Variants in SLC24A2 observed in about 807,000 individuals in gnomAD.
SLC24A2 encodes the protein sodium/potassium/calcium exchanger 2.
Under a neutral mutation model 62.0 loss-of-function variants are expected in SLC24A2, and 36 were observed. The observed-to-expected ratio is 0.58, with a 90% CI of 0.44 to 0.77. The LOEUF is 0.77. Ranked by LOEUF, SLC24A2 falls within the 30% of genes least tolerant of loss-of-function variation. The pLI, the probability that SLC24A2 is intolerant of heterozygous loss-of-function variation, is 0.00. For synonymous variants in SLC24A2, 358 were observed against 294.0 expected, an observed-to-expected ratio of 1.22 and a Z score of -2.23; for missense variants, 846 against 817.9, an observed-to-expected ratio of 1.03 and a Z score of -0.42.
At chr9:19,750,701 A>T (rs1205585322) in intron 2 of SLC24A2, among the ~76,000 whole-genome samples, 40 of 152,136 alleles carry the variant, frequency 2.6e-4, no homozygotes, top group Admixed American at 2.6e-3. Context: ...CTAGAGGATA[A>T]AATCCAAATG....
chr9:19,895,183 G>T, the SLC24A2 span, among the ~76,000 whole-genome samples: 1 of 151,616 alleles, frequency 6.6e-6, no homozygotes, highest in African/African-American at 2.4e-5. Context: ...CAATCCCTGT[G>T]CTCAGCGATT....
At chr9:20,068,503 C>T in the SLC24A2 span, among the ~76,000 whole-genome samples, 1 of 152,140 alleles carries the variant, frequency 6.6e-6, no homozygotes, top group Non-Finnish European at 1.5e-5. Flanking sequence ...CTAATCAAGC[C>T]TCCACACTGA....
chr9:19,518,247 C>T (rs986115178), intron 10 of SLC24A2, among the ~76,000 whole-genome samples: 1 of 151,930 alleles, frequency 6.6e-6, no homozygotes, highest in Non-Finnish European at 1.5e-5. Context: ...AAATCACAAG[C>T]TTAGAATGCT....
chr9:19,947,959 TTC>T, the SLC24A2 span, among the ~76,000 whole-genome samples: 16 of 152,148 alleles, frequency 1.1e-4, no homozygotes, highest in Non-Finnish European at 1.8e-4. Flanking sequence ...CAATAATAAT[TTC>T]TGTCTCACCC....
At position 19,730,965 on chromosome 9, in the gene SLC24A2, G is replaced by A. The variant is rs944548138; in HGVS notation, c.930+54972C>T. Among the ~76,000 whole-genome samples the A allele has an allele frequency of 4.6e-5, 7 of 151,822 alleles. No homozygotes were observed. The East Asian group carries it at 1.2e-3, about 25-fold the overall frequency. On this transcript the variant is annotated intron_variant, in intron 2 of 10. Coordinates refer to ENST00000341998, the MANE Select transcript of SLC24A2 (RefSeq NM_020344.4). ...TCAAGCACCTGACCTACTTAAAACTGTCACACTTTTCAGTTCATTTTGCTT... is the reference window on the plus strand; with the variant it reads ...TCAAGCACCTGACCTACTTAAAACTATCACACTTTTCAGTTCATTTTGCTT...
the SLC24A2 span, among the ~76,000 whole-genome samples, chr9:20,224,712 G>A: frequency 6.6e-6 from 1 of 151,948 alleles, no homozygotes; most frequent in Non-Finnish European, 1.5e-5. Context: ...GAGGGATGGA[G>A]GGAGGGAAGA....
At chr9:19,521,430 C>T (rs1833194829) in intron 9 of SLC24A2, among the ~76,000 whole-genome samples, 1 of 152,192 alleles carries the variant, frequency 6.6e-6, no homozygotes, top group South Asian at 2.1e-4. Flanking sequence ...GGCACCAAGT[C>T]CTGTGGAAGA....
chr9:19,829,320 C>T, the SLC24A2 span, among the ~76,000 whole-genome samples: 3 of 152,128 alleles, frequency 2.0e-5, no homozygotes, highest in African/African-American at 7.2e-5. Context: ...GTTGATATAG[C>T]TTCCCCCACT....
chr9:20,045,822 A>G, the SLC24A2 span, among the ~76,000 whole-genome samples: 1 of 152,154 alleles, frequency 6.6e-6, no homozygotes, highest in African/African-American at 2.4e-5. Context: ...TGGAACTACT[A>G]TGAGTGTGCC....
At chr9:19,758,136 G>A (rs868484359) in intron 2 of SLC24A2, among the ~76,000 whole-genome samples, 53 of 152,224 alleles carry the variant, frequency 3.5e-4, no homozygotes, top group African/African-American at 1.2e-3. Context: ...CATACCAACA[G>A]AGAAAGTGAA....
the SLC24A2 span, among the ~76,000 whole-genome samples, chr9:19,966,015 A>T: frequency 6.6e-6 from 1 of 152,194 alleles, no homozygotes; most frequent in African/African-American, 2.4e-5. Context: ...TTTAGGTAGC[A>T]TCACAGGTGT....
chr9:20,167,385 G>A, the SLC24A2 span, among the ~76,000 whole-genome samples: 2 of 151,960 alleles, frequency 1.3e-5, no homozygotes. Context: ...TCTTACTGTG[G>A]AGAAAGGAAC....
intron 2 of SLC24A2, among the ~76,000 whole-genome samples, chr9:19,713,303 CAT>C (rs750274412): frequency 7.9e-5 from 12 of 152,078 alleles, no homozygotes; most frequent in Non-Finnish European, 1.5e-4. Flanking sequence ...AGAATGGACA[CAT>C]GTCACAAGCA....
the SLC24A2 span, among the ~76,000 whole-genome samples, chr9:19,878,014 C>T: frequency 6.6e-6 from 1 of 152,074 alleles, no homozygotes; most frequent in Non-Finnish European, 1.5e-5. Flanking sequence ...ATATTTTTGG[C>T]CAGAACTCAT....
intron 2 of SLC24A2, among the ~76,000 whole-genome samples, chr9:19,663,385 T>C (rs180976959): frequency 1.3e-5 from 2 of 152,302 alleles, no homozygotes; most frequent in East Asian, 3.9e-4. Context: ...GGGTAGTCTC[T>C]ATACAGATCA....
chr9:20,027,032 G>T, the SLC24A2 span, among the ~76,000 whole-genome samples: 1 of 152,238 alleles, frequency 6.6e-6, no homozygotes, highest in South Asian at 2.1e-4. Context: ...CTCAAAAGAA[G>T]ACATACATAT....
At chr9:20,036,555 T>C in the SLC24A2 span, among the ~76,000 whole-genome samples, 1 of 152,224 alleles carries the variant, frequency 6.6e-6, no homozygotes, top group Non-Finnish European at 1.5e-5. Flanking sequence ...TCAATTGTTT[T>C]AGATTCCACA....
At chr9:20,034,537 G>A in the SLC24A2 span, among the ~76,000 whole-genome samples, 1 of 133,608 alleles carries the variant, frequency 7.5e-6, no homozygotes, top group South Asian at 2.5e-4. Context: ...TCTGCTCACT[G>A]CAAGCTCTGC....
In SLC24A2 at chr9:19,679,603, G is replaced by A. The variant is rs148312432; in HGVS notation, c.931-57304C>T. On this transcript the variant is annotated intron_variant, in intron 2 of 10. Coordinates refer to ENST00000341998, the MANE Select transcript of SLC24A2 (RefSeq NM_020344.4). Reference sequence around the variant, plus strand: ...GGGGGGCATTGTGCAATCTATTGAGGGCCCAAATGGAATAAAAAGGTAGAG... The same window carrying A: ...GGGGGGCATTGTGCAATCTATTGAGAGCCCAAATGGAATAAAAAGGTAGAG... 2.2e-3 allele frequency among the ~76,000 whole-genome samples: 330 copies of A among 152,092 alleles called. 3 individuals carry two copies. Among genetic ancestry groups the A allele is most frequent in the African/African-American group, 7.6e-3 (314 of 41,470 alleles).
Sources: gnomAD v4.1 joint callset for allele counts (sites outside exome capture counted in the v4.1 genomes callset) on GRCh38, gnomAD v4.1.1 for gene constraint, MANE v1.5 for transcripts, NCBI Gene and HGNC (gene_info 2026-07-23, HGNC 2026-07-21) for gene names.